COL8A1: variants seen among roughly 807,000 people sequenced by gnomAD.
The protein encoded by COL8A1 is collagen alpha-1(VIII) chain.
In COL8A1, 21 loss-of-function variants were observed where a neutral mutation model predicts 42.7. The ratio of observed to expected loss-of-function variants is 0.49; its 90% CI spans 0.35 to 0.71. The LOEUF (loss-of-function observed/expected upper bound fraction) is 0.71. Ranked by LOEUF, COL8A1 falls within the 30% of genes least tolerant of loss-of-function variation. The probability of loss-of-function intolerance (pLI) is 0.01; values close to 1 mark genes in which losing one functional copy is unlikely to be tolerated. For synonymous variants in COL8A1, 367 were observed against 369.1 expected, an observed-to-expected ratio of 0.99 and a Z score of 0.06; for missense variants, 788 against 962.4, an observed-to-expected ratio of 0.82 and a Z score of 2.40.
At chr3:99,742,772 G>A (rs1475143283) in intron 1 of COL8A1, among the ~76,000 whole-genome samples, 1 of 152,124 alleles carries the variant, frequency 6.6e-6, no homozygotes, top group Non-Finnish European at 1.5e-5. Flanking sequence ...GTTGTTCAAA[G>A]AGAGTTAAAC....
At chr3:99,787,841 T>C (rs997923288) in intron 2 of COL8A1, among the ~76,000 whole-genome samples, 16 of 146,622 alleles carry the variant, frequency 1.1e-4, no homozygotes, top group African/African-American at 3.9e-4. Context: ...GATATGCTTA[T>C]GTTCAAGAAC....
chr3:99,656,997 T>G (rs950493679), intron 1 of COL8A1, among the ~76,000 whole-genome samples: 1 of 152,198 alleles, frequency 6.6e-6, no homozygotes, highest in African/African-American at 2.4e-5. Context: ...TCGAGTTGGT[T>G]TTTCTGTACT....
At chr3:99,752,315 A>G (rs945413881) in intron 2 of COL8A1, among the ~76,000 whole-genome samples, 1 of 152,170 alleles carries the variant, frequency 6.6e-6, no homozygotes, top group Non-Finnish European at 1.5e-5. Context: ...AATGGTTAGT[A>G]CAGGGTTTGG....
At chr3:99,726,342 T>A (rs1470204737) in intron 1 of COL8A1, among the ~76,000 whole-genome samples, 1 of 151,662 alleles carries the variant, frequency 6.6e-6, no homozygotes, top group Non-Finnish European at 1.5e-5. Context: ...TTGTGAAAAT[T>A]TTCTCCCATT....
At chr3:99,726,009 G>T (rs1227575821) in intron 1 of COL8A1, among the ~76,000 whole-genome samples, 1 of 152,082 alleles carries the variant, frequency 6.6e-6, no homozygotes, top group Non-Finnish European at 1.5e-5. Flanking sequence ...CACAGTTGTT[G>T]AACTAGTTTA....
intron 2 of COL8A1, among the ~76,000 whole-genome samples, chr3:99,754,833 C>G (rs572310427): frequency 6.6e-6 from 1 of 152,276 alleles, no homozygotes; most frequent in South Asian, 2.1e-4. Context: ...AATAATTTAT[C>G]TCAATAGACC....
intron 2 of COL8A1, among the ~76,000 whole-genome samples, chr3:99,758,099 C>G (rs1941295078): frequency 6.6e-6 from 1 of 152,088 alleles, no homozygotes; most frequent in Admixed American, 6.6e-5. Flanking sequence ...ATAAATCTTT[C>G]TCATCTCGCC....
intron 2 of COL8A1, among the ~76,000 whole-genome samples, chr3:99,765,481 G>A (rs1309055095): frequency 1.3e-5 from 2 of 152,182 alleles, no homozygotes; most frequent in African/African-American, 2.4e-5. Context: ...TATCCAAGAT[G>A]TTTCAAAGTA....
intron 1 of COL8A1, among the ~76,000 whole-genome samples, chr3:99,734,093 G>A (rs1181365631): frequency 1.3e-5 from 2 of 151,990 alleles, no homozygotes; most frequent in Non-Finnish European, 2.9e-5. Context: ...CTCCCATTTT[G>A]TAGGCTGCCT....
At chr3:99,712,034 A>G (rs531211689) in intron 1 of COL8A1, among the ~76,000 whole-genome samples, 65 of 152,268 alleles carry the variant, frequency 4.3e-4, no homozygotes, top group African/African-American at 1.5e-3. Context: ...AAATTCAGGT[A>G]AACTTGGAAG....
intron 1 of COL8A1, among the ~76,000 whole-genome samples, chr3:99,677,595 A>G (rs1171266541): frequency 2.6e-5 from 4 of 152,194 alleles, no homozygotes; most frequent in South Asian, 2.1e-4. Context: ...ATGTCACATG[A>G]AAATATACAA....
intron 1 of COL8A1, among the ~76,000 whole-genome samples, chr3:99,740,897 T>G (rs897426494): frequency 3.3e-5 from 5 of 152,184 alleles, no homozygotes; most frequent in Admixed American, 6.5e-5. Flanking sequence ...ACTGTATTGA[T>G]TTTTAGCTTG....
intron 1 of COL8A1, among the ~76,000 whole-genome samples, chr3:99,687,135 C>T (rs912498810): frequency 1.3e-5 from 2 of 152,330 alleles, no homozygotes; most frequent in African/African-American, 4.8e-5. Flanking sequence ...GGAGCCACGG[C>T]ATCCGGCCTG....
At chr3:99,705,061 C>T (rs952194274) in intron 1 of COL8A1, among the ~76,000 whole-genome samples, 15 of 152,216 alleles carry the variant, frequency 9.9e-5, no homozygotes, top group Admixed American at 6.5e-5. Context: ...GGTGTGACTC[C>T]GTACCTCAGA....
At chr3:99,703,994 T>C (rs913239355) in intron 1 of COL8A1, among the ~76,000 whole-genome samples, 2 of 152,206 alleles carry the variant, frequency 1.3e-5, no homozygotes, top group Non-Finnish European at 2.9e-5. Context: ...TTGAACACTA[T>C]CTTAAAACAA....
chr3:99,734,098 C>T (rs979001826), intron 1 of COL8A1, among the ~76,000 whole-genome samples: 2 of 151,876 alleles, frequency 1.3e-5, no homozygotes, highest in African/African-American at 4.8e-5. Flanking sequence ...ATTTTGTAGG[C>T]TGCCTGTTAA....
chr3:99,742,583 T>G lies in COL8A1; in HGVS notation c.-128-2314T>G, dbSNP rs540010896. 9.8e-5 allele frequency among the ~76,000 whole-genome samples: 15 copies of G among 152,376 alleles called. No individual in the cohort carries two copies. The South Asian group carries it at 2.9e-3, about 29-fold the overall frequency. On this transcript the variant is annotated intron_variant, in intron 1 of 3. Transcript: ENST00000652472. ...GAAATTATTTTAAAGGACATTCTTC[T>G]GGATCATAGAGAGAAAAGAACCTCT...
chr3:99,650,189 A>G (rs888938470), intron 1 of COL8A1, among the ~76,000 whole-genome samples: 1 of 152,194 alleles, frequency 6.6e-6, no homozygotes, highest in African/African-American at 2.4e-5. Flanking sequence ...ACCTGTCAGA[A>G]TAACCATAAT....
At chr3:99,679,004 C>A (rs1006514962) in intron 1 of COL8A1, 4 of 152,218 alleles carry the variant, frequency 2.6e-5, no homozygotes, top group Non-Finnish European at 5.9e-5. Context: ...CATACTCACT[C>A]TATCCACATA....
Sources: allele counts gnomAD v4.1 joint callset (sites outside exome capture counted in the v4.1 genomes callset), GRCh38; gene constraint gnomAD v4.1.1; transcripts MANE v1.5; gene names NCBI Gene and HGNC (gene_info 2026-07-23, HGNC 2026-07-21).